DLG2: variants seen among roughly 807,000 people sequenced by gnomAD.
DLG2 encodes discs large MAGUK scaffold protein 2, also known as disks large homolog 2.
In DLG2, 45 loss-of-function variants were observed where a neutral mutation model predicts 132.5. The ratio of observed to expected loss-of-function variants is 0.34; its 90% CI spans 0.27 to 0.44. The LOEUF is 0.44. Ranked by LOEUF, DLG2 falls within the 20% of genes least tolerant of loss-of-function variation. The pLI is 1.00. For synonymous variants in DLG2, 424 were observed against 419.6 expected (o/e 1.01, Z -0.13); for missense variants, 1,045 against 1,196.9 (o/e 0.87, Z 1.87).
intron 6 of DLG2, among the ~76,000 whole-genome samples, chr11:84,876,896 T>C (rs539847644): frequency 6.6e-6 from 1 of 152,326 alleles, no homozygotes; most frequent in East Asian, 1.9e-4. Flanking sequence ...TTGTTCTCAT[T>C]GGTTTCAAAG....
In DLG2 at chr11:85,330,626, G is replaced by A. The variant is rs540529134; in HGVS notation, c.41-45261C>T. ...GGAATATCACACTCTGGGGACTGTG[G>A]TGGGGTCGGGGGAGGGGGGAGGGAT... On this transcript the variant is annotated intron_variant, in intron 3 of 27. Transcript: ENST00000376104. 5.1e-5 allele frequency among the ~76,000 whole-genome samples: 5 copies of A among 98,296 alleles called. No individual in the cohort carries two copies. The South Asian group carries it at 2.1e-3, about 42-fold the overall frequency. 64.5% of individuals were successfully genotyped at this position (98,296 alleles called of 152,430 possible).
intron 6 of DLG2, among the ~76,000 whole-genome samples, chr11:85,058,773 G>A (rs1282419104): frequency 6.6e-6 from 1 of 151,338 alleles, no homozygotes; most frequent in East Asian, 1.9e-4. Context: ...TTAAATGGGG[G>A]AAAAGGTGTT....
At chr11:85,035,921 TCTTAAAGCAGG>T (rs1265794279) in intron 6 of DLG2, among the ~76,000 whole-genome samples, 22 of 152,232 alleles carry the variant, frequency 1.4e-4, no homozygotes, top group African/African-American at 4.8e-4. Flanking sequence ...CAGTTAACTA[TCTTAAAGCAGG>T]CTTCTCACTC....
At chr11:83,587,580 T>C (rs901815391) in intron 19 of DLG2, among the ~76,000 whole-genome samples, 1 of 152,210 alleles carries the variant, frequency 6.6e-6, no homozygotes, top group Non-Finnish European at 1.5e-5. Flanking sequence ...GATAGTGAAT[T>C]AGAATTTATA....
intron 18 of DLG2, among the ~76,000 whole-genome samples, chr11:83,670,615 A>C (rs1344531291): frequency 6.6e-6 from 1 of 152,092 alleles, no homozygotes; most frequent in Admixed American, 6.6e-5. Flanking sequence ...TTTAAAAAAA[A>C]AAACCAAAAC....
chr11:83,685,735 T>C (rs1381860475), intron 18 of DLG2, among the ~76,000 whole-genome samples: 1 of 152,080 alleles, frequency 6.6e-6, no homozygotes, highest in Non-Finnish European at 1.5e-5. Flanking sequence ...TCCAGACTCT[T>C]ATATCCAGCT....
At chr11:85,184,348 C>CTT (rs532066686) in intron 4 of DLG2, among the ~76,000 whole-genome samples, 1 of 141,722 alleles carries the variant, frequency 7.1e-6, no homozygotes, top group Non-Finnish European at 1.6e-5. Context: ...AGAGATTTTC[C>CTT]TTTTTTTTTT....
chr11:83,709,512 T>C (rs10898152), intron 18 of DLG2, among the ~76,000 whole-genome samples: 50,484 of 151,896 alleles, frequency 0.33, 9,937 homozygotes, highest in African/African-American at 0.55. Flanking sequence ...TAGGTGAATA[T>C]GGTGTTTCAT....
chr11:84,437,100 C>A (rs2154475706), intron 7 of DLG2, among the ~76,000 whole-genome samples: 1 of 152,292 alleles, frequency 6.6e-6, no homozygotes, highest in South Asian at 2.1e-4. Context: ...TTGCTTTCAT[C>A]CTATGTAATT....
At chr11:84,889,641 TTTA>T (rs2088977097) in intron 6 of DLG2, among the ~76,000 whole-genome samples, 1 of 152,168 alleles carries the variant, frequency 6.6e-6, no homozygotes, top group African/African-American at 2.4e-5. Context: ...AATTTAATTT[TTTA>T]AATTAAATTA....
intron 22 of DLG2, among the ~76,000 whole-genome samples, chr11:83,483,757 C>T (rs1056850172): frequency 6.2e-4 from 95 of 152,074 alleles, no homozygotes; most frequent in African/African-American, 2.1e-3. Flanking sequence ...TTTAATTGTT[C>T]CTAACATTCC....
intron 9 of DLG2, among the ~76,000 whole-genome samples, chr11:84,157,832 T>A (rs988448750): frequency 6.6e-6 from 1 of 152,232 alleles, no homozygotes; most frequent in Non-Finnish European, 1.5e-5. Context: ...AAGATATTCA[T>A]GAAGTTCACT....
chr11:85,441,243 C>T (rs1025682091), intron 3 of DLG2, among the ~76,000 whole-genome samples: 9 of 152,124 alleles, frequency 5.9e-5, no homozygotes, highest in African/African-American at 2.2e-4. Flanking sequence ...CACTTTCTCC[C>T]CTGATCCCAC....
intron 3 of DLG2, among the ~76,000 whole-genome samples, chr11:85,503,728 T>C (rs2093859194): frequency 6.6e-6 from 1 of 151,906 alleles, no homozygotes; most frequent in Non-Finnish European, 1.5e-5. Flanking sequence ...GTTCAGGAGT[T>C]CAAGACCGAG....
chr11:84,732,426 T>A (rs1219660654), intron 6 of DLG2, among the ~76,000 whole-genome samples: 1 of 152,032 alleles, frequency 6.6e-6, no homozygotes, highest in Non-Finnish European at 1.5e-5. Flanking sequence ...CACCATCACC[T>A]GGTATTGTCA....
chr11:83,520,639 G>GATAGATAGATAGATAGATAGA (rs2095443498), intron 21 of DLG2, among the ~76,000 whole-genome samples: 17 of 148,068 alleles, frequency 1.1e-4, no homozygotes, highest in East Asian at 4.0e-4. Context: ...AGGTAGGTAG[G>GATAGATAGATAGATAGATAGA]TAGATAGATA....
intron 9 of DLG2, among the ~76,000 whole-genome samples, chr11:84,114,229 C>T (rs1317800015): frequency 6.6e-6 from 1 of 152,000 alleles, no homozygotes; most frequent in African/African-American, 2.4e-5. Context: ...TATAGGAGCT[C>T]TTCATGAATT....
chr11:84,818,975 GC>G (rs1391353588), intron 6 of DLG2, among the ~76,000 whole-genome samples: 11 of 151,290 alleles, frequency 7.3e-5, no homozygotes, highest in African/African-American at 2.7e-4. Context: ...TCACAGGTGG[GC>G]AGAAGCTAAT....
intron 6 of DLG2, among the ~76,000 whole-genome samples, chr11:84,791,338 T>C (rs1296921274): frequency 6.6e-6 from 1 of 152,200 alleles, no homozygotes; most frequent in African/African-American, 2.4e-5. Flanking sequence ...GCTATTGTGG[T>C]TACTATAACT....
Sources: allele counts gnomAD v4.1 joint callset (sites outside exome capture counted in the v4.1 genomes callset), GRCh38; gene constraint gnomAD v4.1.1; transcripts MANE v1.5; gene names NCBI Gene and HGNC (gene_info 2026-07-23, HGNC 2026-07-21).